The following CYFIP1 variants were observed in gnomAD, a reference collection of about 807,000 sequenced individuals.
The protein encoded by CYFIP1 is cytoplasmic FMR1 interacting protein 1.
Under a neutral mutation model 163.5 loss-of-function variants are expected in CYFIP1, and 58 were observed. That is an observed-to-expected ratio of 0.35 (90% CI 0.29 to 0.44). CYFIP1 has a LOEUF of 0.44. CYFIP1 is among the 20% of genes least tolerant of loss of function. CYFIP1 has a pLI of 1.00. For synonymous variants in CYFIP1, 663 were observed against 660.7 expected (o/e 1.00, Z -0.05); for missense variants, 1,338 against 1,653.8 (o/e 0.81, Z 3.31).
In CYFIP1 at chr15:22,950,894, A is replaced by AAG. The variant is rs140738108; in HGVS notation, c.-6-3605_-6-3604dup. On this transcript the variant is annotated intron_variant, in intron 1 of 30. Coordinates refer to ENST00000617928, the MANE Select transcript of CYFIP1 (RefSeq NM_014608.6). ...CATCTCACGGCGGGCACCAAAGGGC[A>AAG]AGAGAGAGAGAGAGAGACCACGTTC... Among the ~76,000 whole-genome samples the AAG allele has an allele frequency of 8.4e-4, 127 of 151,456 alleles. 1 individual carries two copies. The highest frequency in any genetic ancestry group is 1.2e-3 in the South Asian group (6 of 4,820).
In CYFIP1 at chr15:22,899,667, G is replaced by A. The variant is rs542856890; in HGVS notation, c.2588+4039C>T. ...ATTAAACCTCTTTCTTTTGTAAATC[G>A]CCCAGCCTCAGGTATGTCTTTATCG... On this transcript the variant is annotated intron_variant, in intron 22 of 30. Coordinates refer to ENST00000617928, the MANE Select transcript of CYFIP1 (RefSeq NM_014608.6). 3.9e-5 allele frequency among the ~76,000 whole-genome samples: 6 copies of A among 152,180 alleles called. No individual in the cohort carries two copies. In the East Asian group the frequency reaches 7.7e-4, roughly 20 times the overall value.
At chr15:22,965,362 G>A (rs951227537) in intron 1 of CYFIP1, among the ~76,000 whole-genome samples, 5 of 152,234 alleles carry the variant, frequency 3.3e-5, no homozygotes, top group Admixed American at 3.3e-4. Flanking sequence ...GGGAGGCTGA[G>A]GCAGGAGAAT....
At chr15:22,975,654 G>A (rs2063244608) in intron 1 of CYFIP1, among the ~76,000 whole-genome samples, 1 of 152,088 alleles carries the variant, frequency 6.6e-6, no homozygotes, top group South Asian at 2.1e-4. Context: ...AGCTACTTGG[G>A]AGGCTGAGGC....
intron 18 of CYFIP1, among the ~76,000 whole-genome samples, chr15:22,911,675 G>A (rs1219130882): frequency 6.6e-6 from 1 of 152,188 alleles, no homozygotes; most frequent in Non-Finnish European, 1.5e-5. Flanking sequence ...GCAGGGCCGG[G>A]GACCTGTGAC....
chr15:22,951,318 T>C (rs927655241), intron 1 of CYFIP1: 91 of 1,146,248 alleles, frequency 7.9e-5, no homozygotes, highest in Middle Eastern at 4.9e-4. Context: ...TCTCGTCCAC[T>C]TCCCTCCACA....
At chr15:22,905,043 T>C (rs540134647) in intron 21 of CYFIP1, 1 of 152,284 alleles carries the variant, frequency 6.6e-6, no homozygotes, top group East Asian at 1.9e-4. Flanking sequence ...GTTCCTTTCC[T>C]TGGCTCTGGT....
Position 22,881,838 on chromosome 15 carries a change from G to A in CYFIP1, c.2911+8C>T, listed in dbSNP as rs766246127. 1.2e-5 allele frequency: 20 copies of A among 1,608,344 alleles called. No homozygotes were observed. The highest frequency in any genetic ancestry group is 1.2e-4 in the Admixed American group (7 of 59,940). On this transcript the variant is annotated splice_region_variant and intron_variant, in intron 25 of 30. Transcript: ENST00000617928. ...ACAGCACTGTGAGCTCCACACGCCC[G>A]CACTCACCAGGAGAGCCGTACTCGT...
chr15:22,961,524 G>A (rs1352635836), intron 1 of CYFIP1, among the ~76,000 whole-genome samples: 2 of 151,946 alleles, frequency 1.3e-5, no homozygotes, highest in African/African-American at 4.8e-5. Flanking sequence ...GACTACAGGT[G>A]TGCACCACCA....
intron 11 of CYFIP1, 89 bp from the exon 12 acceptor site, chr15:22,928,117 A>C: frequency 7.3e-7 from 1 of 1,371,920 alleles, no homozygotes; most frequent in Non-Finnish European, 9.5e-7. Flanking sequence ...TCCACCCCAA[A>C]GTCACACGTG....
At chr15:22,890,920 T>C (rs1197067509) in intron 23 of CYFIP1, among the ~76,000 whole-genome samples, 1 of 152,140 alleles carries the variant, frequency 6.6e-6, no homozygotes, top group Non-Finnish European at 1.5e-5. Context: ...TCTCCAGGCA[T>C]TGGCGACCCT....
chr15:22,931,712 C>CAAAAAAAAAAAAAAAAAAA (rs2061544613), intron 11 of CYFIP1, among the ~76,000 whole-genome samples: 2 of 49,904 alleles, frequency 4.0e-5, no homozygotes, highest in African/African-American at 2.1e-4. Flanking sequence ...AAAAAAAAAG[C>CAAAAAAAAAAAAAAAAAAA]TTTTTGTACA....
chr15:22,967,611 ACACAG>A (rs754436413), intron 1 of CYFIP1, among the ~76,000 whole-genome samples: 33 of 152,162 alleles, frequency 2.2e-4, no homozygotes, highest in Non-Finnish European at 4.4e-4. Context: ...CGCAGCTACA[ACACAG>A]CACATCTGCC....
chr15:22,882,932 C>T lies in CYFIP1; in HGVS notation c.2756G>A (p.Arg919Gln), dbSNP rs753271067. ...VGPPHFQVIC[R>Q]LLGYQGIAVV... is the part of the protein sequence containing the mutation. ...GGCGATACCCTGGTAGCCGAGAAGC[C>T]GGCAGATGACTTGAAAGTGTGGAGG... The change falls in exon 24 of 31, where the codon CGG becomes CAG. Residue 919 changes from arginine to glutamine, a missense_variant. Around this residue, in one of 4 missense-constraint regions of CYFIP1, gnomAD observed 824 missense variants for 995.7 expected, o/e 0.83. Coordinates refer to ENST00000617928, the MANE Select transcript of CYFIP1 (RefSeq NM_014608.6). 11 of 1,613,886 alleles carry T rather than the reference C, an allele frequency of 6.8e-6. No individual in the cohort carries two copies. Among genetic ancestry groups the T allele is most frequent in the African/African-American group, 6.7e-5 (5 of 74,876 alleles).
chr15:22,940,373 G>A (rs1292321921), intron 6 of CYFIP1, among the ~76,000 whole-genome samples: 1 of 152,152 alleles, frequency 6.6e-6, no homozygotes, highest in African/African-American at 2.4e-5. Context: ...GCTAGCTGTG[G>A]CCAAGTGACC....
At chr15:22,912,585 A>C (rs2142073265) in intron 17 of CYFIP1, among the ~76,000 whole-genome samples, 1 of 152,350 alleles carries the variant, frequency 6.6e-6, no homozygotes, top group Non-Finnish European at 1.5e-5. Context: ...ACAAGTACAT[A>C]GGATTTTTAA....
At chr15:22,895,700 G>A (rs780336833) in intron 22 of CYFIP1, among the ~76,000 whole-genome samples, 1 of 152,322 alleles carries the variant, frequency 6.6e-6, no homozygotes, top group South Asian at 2.1e-4. Flanking sequence ...GGGGCTGTGT[G>A]CCTGGTGAAC....
chr15:22,899,992 C>T (rs991206043), intron 22 of CYFIP1, among the ~76,000 whole-genome samples: 8 of 152,044 alleles, frequency 5.3e-5, no homozygotes, highest in Admixed American at 5.2e-4. Context: ...TGCAGTGAGC[C>T]GAGACTGTAC....
chr15:22,891,881 G>A lies in CYFIP1; in HGVS notation c.2676+1009C>T, dbSNP rs375904960. Among the ~76,000 whole-genome samples, 107 of 152,352 alleles carry A rather than the reference G, an allele frequency of 7.0e-4. 1 individual carries two copies. Among genetic ancestry groups the A allele is most frequent in the African/African-American group, 2.5e-3 (102 of 41,590 alleles). ...AGAGCCAGCTGGTGCGTTAGAAAGC[G>A]TCCAGGTGCAGGCAGCGTGTGAGCG... is the stretch of plus-strand genomic sequence containing the variant. On this transcript the variant is annotated intron_variant, in intron 23 of 30. Coordinates refer to ENST00000617928, the MANE Select transcript of CYFIP1 (RefSeq NM_014608.6).
At chr15:22,938,512 G>C (rs541355461) in intron 8 of CYFIP1, among the ~76,000 whole-genome samples, 1 of 152,218 alleles carries the variant, frequency 6.6e-6, no homozygotes, top group African/African-American at 2.4e-5. Context: ...GCCTGAGGCA[G>C]AAAGATCACT....
Sources: allele counts gnomAD v4.1 joint callset (sites outside exome capture counted in the v4.1 genomes callset), GRCh38; gene constraint gnomAD v4.1.1; regional missense constraint gnomAD v4.1.1; transcripts MANE v1.5; gene names NCBI Gene and HGNC (gene_info 2026-07-23, HGNC 2026-07-21).